ZCCHC14: variants seen among roughly 807,000 people sequenced by gnomAD.
ZCCHC14 encodes the protein zinc finger CCHC domain-containing protein 14.
A neutral mutation model predicts 85.0 loss-of-function variants in ZCCHC14; 16 were observed. The ratio of observed to expected loss-of-function variants is 0.19; its 90% CI spans 0.13 to 0.29. The LOEUF is 0.29. Ranked by LOEUF, ZCCHC14 falls within the 10% of genes least tolerant of loss-of-function variation. The pLI, the probability that ZCCHC14 is intolerant of heterozygous loss-of-function variation, is 1.00. For missense variants in ZCCHC14, 1,303 were observed against 1,443.5 expected (o/e 0.90, Z 1.58); for synonymous variants, 775 against 630.7 (o/e 1.23, Z -3.43).
At chr16:87,482,634 G>C (rs140796323) in intron 1 of ZCCHC14, among the ~76,000 whole-genome samples, 2 of 152,338 alleles carry the variant, frequency 1.3e-5, no homozygotes, top group African/African-American at 2.4e-5. Flanking sequence ...GCCAACATGA[G>C]GTCATATGGA....
chr16:87,452,964 G>A (rs960219364), intron 2 of ZCCHC14, among the ~76,000 whole-genome samples: 1 of 152,240 alleles, frequency 6.6e-6, no homozygotes, highest in Non-Finnish European at 1.5e-5. Flanking sequence ...TACCTTGGGG[G>A]CCCTGAGAAA....
chr16:87,449,321 C>T (rs1289125961), intron 2 of ZCCHC14, among the ~76,000 whole-genome samples: 1 of 152,154 alleles, frequency 6.6e-6, no homozygotes, highest in East Asian at 1.9e-4. Context: ...ATGTTCCTAT[C>T]TCTAAAACTC....
Position 87,408,592 on chromosome 16 carries a change from TGAG to T in ZCCHC14, c.*1685_*1687del, listed in dbSNP as rs575481429. On this transcript the variant is annotated 3_prime_UTR_variant, in exon 13 of 13. Coordinates refer to ENST00000671377, the MANE Select transcript of ZCCHC14 (RefSeq NM_015144.3). ...TTCAACACTGTAATACTGTGTACCA[TGAG>T]GAGAAGAGGTCTGTTAATTCTGCAT... 73 of 152,724 alleles carry T rather than the reference TGAG, an allele frequency of 4.8e-4. No homozygotes were observed. The highest frequency in any genetic ancestry group is 3.4e-3 in the Middle Eastern group (1 of 294). 9.5% of individuals were successfully genotyped at this position (152,724 alleles called of 1,614,324 possible). A position where few individuals can be genotyped will look rare whatever the true frequency, so the allele number is the denominator to read the frequency against.
At position 87,491,666 on chromosome 16, in the gene ZCCHC14, C is replaced by A. The variant is rs776902244; in HGVS notation, c.570+3G>T. The A allele has an allele frequency of 5.7e-6, 8 of 1,412,652 alleles. No homozygotes were observed. Among genetic ancestry groups the A allele is most frequent in the Non-Finnish European group, 7.3e-6 (8 of 1,089,558 alleles). 87.5% of individuals were successfully genotyped at this position (1,412,652 alleles called of 1,614,324 possible). A position where few individuals can be genotyped will look rare whatever the true frequency, so the allele number is the denominator to read the frequency against. On this transcript the variant is annotated splice_donor_region_variant and intron_variant, in intron 1 of 12. Coordinates refer to ENST00000671377, the MANE Select transcript of ZCCHC14 (RefSeq NM_015144.3). This position sits in a 1 kb window ranked among gnomAD's most constrained non-coding sequence, Gnocchi z 5.9. ...CAGGGCAGAGCTCGGGGCGGGCACG[C>A]ACCTTGTGGCAGGCTGGGCAAGTGG...
At chr16:87,422,227 C>A (rs1303841730) in intron 4 of ZCCHC14, among the ~76,000 whole-genome samples, 2 of 152,202 alleles carry the variant, frequency 1.3e-5, no homozygotes, top group South Asian at 2.1e-4. Context: ...CATGGACAGG[C>A]TCCACAGCAG....
chr16:87,438,533 T>G (rs2150742339), intron 2 of ZCCHC14, among the ~76,000 whole-genome samples: 1 of 152,338 alleles, frequency 6.6e-6, no homozygotes, highest in African/African-American at 2.4e-5. Context: ...GTTCGAATAT[T>G]CATTGAGTAA....
intron 2 of ZCCHC14, among the ~76,000 whole-genome samples, chr16:87,439,273 A>G (rs563106604): frequency 2.6e-5 from 4 of 152,168 alleles, no homozygotes; most frequent in Admixed American, 6.5e-5. Flanking sequence ...AGCTGGGACT[A>G]CAGGCACGCA....
At chr16:87,440,712 T>C (rs954179657) in intron 2 of ZCCHC14, among the ~76,000 whole-genome samples, 2 of 151,416 alleles carry the variant, frequency 1.3e-5, no homozygotes, top group Non-Finnish European at 2.9e-5. Flanking sequence ...GTCCAAGTGA[T>C]CCACCCACCT....
chr16:87,461,169 G>A (rs1166765017), intron 1 of ZCCHC14, among the ~76,000 whole-genome samples: 1 of 152,190 alleles, frequency 6.6e-6, no homozygotes, highest in Admixed American at 6.5e-5. Flanking sequence ...CACAACAAGC[G>A]CAGAAACAAG....
At chr16:87,413,307 G>A (rs1178989921) in intron 10 of ZCCHC14, 112 bp from the exon 11 acceptor site, 6 of 1,397,846 alleles carry the variant, frequency 4.3e-6, no homozygotes, top group Non-Finnish European at 5.6e-6. Context: ...GAAACGCAGG[G>A]CTCTGAGAGT....
chr16:87,417,817 T>A (rs1257831984), intron 7 of ZCCHC14, 75 bp from the exon 8 acceptor site: 4 of 1,454,058 alleles, frequency 2.8e-6, no homozygotes, highest in Non-Finnish European at 3.6e-6. Flanking sequence ...AGACCTCACT[T>A]CCAGGCCTTT....
chr16:87,425,879 G>C (rs535899013), intron 3 of ZCCHC14, among the ~76,000 whole-genome samples: 1 of 152,304 alleles, frequency 6.6e-6, no homozygotes, highest in South Asian at 2.1e-4. Flanking sequence ...CCCTAACCCA[G>C]GGAAGATGTG....
rs141253146 is a variant in ZCCHC14, at chr16:87,491,308, G to A, written c.570+361C>T. 1.3e-5 allele frequency among the ~76,000 whole-genome samples: 2 copies of A among 152,234 alleles called. No homozygotes were observed. Among genetic ancestry groups the A allele is most frequent in the Non-Finnish European group, 2.9e-5 (2 of 68,056 alleles). On this transcript the variant is annotated intron_variant, in intron 1 of 12. Coordinates refer to ENST00000671377, the MANE Select transcript of ZCCHC14 (RefSeq NM_015144.3). This position sits in a 1 kb window ranked among gnomAD's most constrained non-coding sequence, Gnocchi z 5.9. ...TTGGGGCACGCAGAGGGGACTGAGG[G>A]TGTGGGCTCAGGGCCGCGGTGCGGT...
chr16:87,482,297 G>A (rs187564816), intron 1 of ZCCHC14, among the ~76,000 whole-genome samples: 1 of 152,106 alleles, frequency 6.6e-6, no homozygotes, highest in Non-Finnish European at 1.5e-5. Flanking sequence ...AAAAGGTCAC[G>A]AATTATAAAG....
intron 1 of ZCCHC14, among the ~76,000 whole-genome samples, chr16:87,461,968 T>C (rs1911280928): frequency 6.6e-6 from 1 of 152,298 alleles, no homozygotes; most frequent in East Asian, 1.9e-4. Flanking sequence ...GGGAAGTTTA[T>C]GTAACTCGAG....
intron 3 of ZCCHC14, among the ~76,000 whole-genome samples, chr16:87,430,023 C>T (rs1909571051): frequency 6.6e-6 from 1 of 152,250 alleles, no homozygotes. Context: ...CCTTTTCATT[C>T]TCTTCATAGC....
intron 1 of ZCCHC14, among the ~76,000 whole-genome samples, chr16:87,479,365 T>C (rs1355383979): frequency 6.7e-6 from 1 of 149,644 alleles, no homozygotes; most frequent in Admixed American, 6.7e-5. Flanking sequence ...TGCAGTGAGC[T>C]GAGATCGCAC....
At chr16:87,441,328 C>G (rs1910174644) in intron 2 of ZCCHC14, among the ~76,000 whole-genome samples, 1 of 152,224 alleles carries the variant, frequency 6.6e-6, no homozygotes, top group Non-Finnish European at 1.5e-5. Flanking sequence ...AAGCTGATTA[C>G]TAATAGAGTC....
At chr16:87,414,934 T>C (rs1324030280) in intron 9 of ZCCHC14, among the ~76,000 whole-genome samples, 1 of 151,928 alleles carries the variant, frequency 6.6e-6, no homozygotes, top group Non-Finnish European at 1.5e-5. Flanking sequence ...TACAAAAAAT[T>C]AGCCAGGCGT....
Sources: allele counts gnomAD v4.1 joint callset (sites outside exome capture counted in the v4.1 genomes callset), GRCh38; gene constraint gnomAD v4.1.1; non-coding constraint Gnocchi (gnomAD v3.1); transcripts MANE v1.5; gene names NCBI Gene and HGNC (gene_info 2026-07-23, HGNC 2026-07-21).